Variants in FRYL observed in about 807,000 individuals in gnomAD.
FRYL encodes protein furry homolog-like.
In FRYL, 150 loss-of-function variants were observed where a neutral mutation model predicts 351.2. The observed-to-expected ratio is 0.43, with a 90% confidence interval of 0.37 to 0.49. The LOEUF is 0.49. Ranked by LOEUF, FRYL falls within the 20% of genes least tolerant of loss-of-function variation. FRYL has a pLI of 0.00. For synonymous variants in FRYL, 1,153 were observed against 1,257.1 expected (o/e 0.92, Z 1.75); for missense variants, 3,036 against 3,619.3 (o/e 0.84, Z 4.13).
intron 36 of FRYL, 27 bp from the exon 37 acceptor site, chr4:48,551,605 G>T: frequency 7.1e-7 from 1 of 1,414,870 alleles, no homozygotes; most frequent in Non-Finnish European, 1.0e-6. Context: ...AGCAGTACTC[G>T]TGAATCTACA....
At chr4:48,699,672 C>T (rs998239061) in intron 2 of FRYL, among the ~76,000 whole-genome samples, 9 of 152,090 alleles carry the variant, frequency 5.9e-5, no homozygotes, top group African/African-American at 2.2e-4. Context: ...GTAAACAAGC[C>T]CTACCTGTGG....
rs1746887304 is a variant in FRYL, at chr4:48,606,625, C to T, written c.573-19G>A. 3 of 1,555,140 alleles carry T rather than the reference C, an allele frequency of 1.9e-6. No homozygotes were observed. The highest frequency in any genetic ancestry group is 1.4e-5 in the African/African-American group (1 of 73,394). On this transcript the variant is annotated intron_variant, in intron 9 of 63. Transcript: ENST00000358350. Reference sequence around the variant, plus strand: ...CTGAAACCTTTAATATACGTGGAGACATCATTTGATTTGAATTAAAAACAC... The same window carrying T: ...CTGAAACCTTTAATATACGTGGAGATATCATTTGATTTGAATTAAAAACAC...
At position 48,620,661 on chromosome 4, in the gene FRYL, G is replaced by A. The variant is rs765153279; in HGVS notation, c.292C>T (p.Arg98Trp). 7 of 1,613,466 alleles carry A rather than the reference G, an allele frequency of 4.3e-6. No homozygotes were observed. Among genetic ancestry groups the A allele is most frequent in the East Asian group, 2.2e-5 (1 of 44,878 alleles). Reference protein sequence around the residue: ...TEDESYEYRPRSSTKSKGDEQ... With the variant: ...TEDESYEYRPWSSTKSKGDEQ... ...TACCCCTTAGACTTTGTGCTAGACC[G>A]AGGCCTATATTCATAAGATTCATCT... The change falls in exon 6 of 64, where the codon CGG (arginine) becomes TGG (tryptophan). Residue 98 changes from arginine to tryptophan, a missense_variant. Physicochemically the swap from Arg to Trp is moderately radical, Grantham distance 101. Transcript: ENST00000358350.
intron 18 of FRYL, among the ~76,000 whole-genome samples, 154 bp downstream of exon 18, chr4:48,589,591 T>C (rs1742841007): frequency 6.6e-6 from 1 of 152,138 alleles, no homozygotes; most frequent in Non-Finnish European, 1.5e-5. Flanking sequence ...GGAATAAAAC[T>C]GAGTGTGTGG....
At chr4:48,744,706 A>C (rs1772471918) in intron 1 of FRYL, among the ~76,000 whole-genome samples, 1 of 152,208 alleles carries the variant, frequency 6.6e-6, no homozygotes, top group Non-Finnish European at 1.5e-5. Flanking sequence ...GATAACTTTA[A>C]CTGTTTTAAA....
At chr4:48,712,344 T>C (rs1276045162) in intron 1 of FRYL, among the ~76,000 whole-genome samples, 1 of 151,864 alleles carries the variant, frequency 6.6e-6, no homozygotes, top group Non-Finnish European at 1.5e-5. Flanking sequence ...AATGTATAAC[T>C]AGAATAACCA....
intron 23 of FRYL, 64 bp downstream of exon 23, chr4:48,578,909 A>T (rs1429608981): frequency 7.1e-7 from 1 of 1,409,988 alleles, no homozygotes; most frequent in South Asian, 1.4e-5. Flanking sequence ...GAATTTTTCA[A>T]ATAAATACAT....
intron 1 of FRYL, among the ~76,000 whole-genome samples, chr4:48,715,743 T>A (rs979800913): frequency 1.7e-4 from 26 of 152,292 alleles, no homozygotes; most frequent in African/African-American, 6.3e-4. Flanking sequence ...AAGCTAGCAA[T>A]GACTTTCTTC....
At chr4:48,661,494 G>C (rs982493641) in intron 3 of FRYL, among the ~76,000 whole-genome samples, 5 of 152,192 alleles carry the variant, frequency 3.3e-5, no homozygotes, top group African/African-American at 1.2e-4. Flanking sequence ...AGGGCATTCT[G>C]TAGATTCTCC....
At chr4:48,702,712 G>C (rs1766889459) in intron 2 of FRYL, among the ~76,000 whole-genome samples, 3 of 146,580 alleles carry the variant, frequency 2.0e-5, no homozygotes, top group Non-Finnish European at 3.0e-5. Flanking sequence ...AGTGAGAGGA[G>C]ATCGGGCCAC....
chr4:48,535,341 C>G (rs1728634557), intron 48 of FRYL, among the ~76,000 whole-genome samples: 1 of 151,934 alleles, frequency 6.6e-6, no homozygotes, highest in African/African-American at 2.4e-5. Flanking sequence ...TTTTGAGTTT[C>G]ATGTCACTTA....
chr4:48,598,439 C>A (rs915812719), intron 13 of FRYL, among the ~76,000 whole-genome samples: 4 of 152,142 alleles, frequency 2.6e-5, no homozygotes, highest in Non-Finnish European at 5.9e-5. Context: ...TATGTACCCA[C>A]AAAAATTAAA....
intron 1 of FRYL, among the ~76,000 whole-genome samples, chr4:48,768,858 C>A (rs890639304): frequency 2.6e-5 from 4 of 151,920 alleles, no homozygotes; most frequent in African/African-American, 9.7e-5. Context: ...TGGCTCGGCA[C>A]AGTGGCTCAT....
intron 3 of FRYL, among the ~76,000 whole-genome samples, chr4:48,641,086 T>C (rs535216963): frequency 6.6e-6 from 1 of 152,294 alleles, no homozygotes; most frequent in South Asian, 2.1e-4. Flanking sequence ...TTTCAACTTC[T>C]GGTGAGGCCA....
In FRYL at chr4:48,582,590, G is replaced by A. The variant is rs775604901; in HGVS notation, c.1893C>T (p.Pro631=). ...FIVREVTDVH[P]TLLDNAVKML... is the part of the protein sequence containing the mutation. ...TCTTTACGGCATTATCAAGAAGTGT[G>A]GGATGGACATCAGTCACTTCACGAA... Residue 631 remains proline (P), a synonymous_variant, in exon 20 of 64, where the codon CCC becomes CCT. Coordinates refer to ENST00000358350, the MANE Select transcript of FRYL (RefSeq NM_015030.2). 1 of 1,613,792 alleles carries A rather than the reference G, an allele frequency of 6.2e-7. No homozygotes were observed. Among genetic ancestry groups the A allele is most frequent in the Non-Finnish European group, 8.5e-7 (1 of 1,179,758 alleles).
chr4:48,669,561 GTATA>G (rs1263271243), intron 3 of FRYL, among the ~76,000 whole-genome samples: 1 of 148,366 alleles, frequency 6.7e-6, no homozygotes, highest in Non-Finnish European at 1.5e-5. Flanking sequence ...TATTATAAGG[GTATA>G]TATATATAAA....
chr4:48,546,508 TC>T (rs1731362000), intron 41 of FRYL: 2 of 455,434 alleles, frequency 4.4e-6, no homozygotes, highest in Non-Finnish European at 7.8e-6. Flanking sequence ...TACTATGCAG[TC>T]CTCTGCCGCC....
intron 47 of FRYL, among the ~76,000 whole-genome samples, chr4:48,536,751 T>C (rs1322197449): frequency 6.6e-6 from 1 of 152,212 alleles, no homozygotes; most frequent in African/African-American, 2.4e-5. Flanking sequence ...GTTTTGTATG[T>C]ATTTTTACAA....
chr4:48,715,410 G>T (rs1214813437), intron 1 of FRYL, among the ~76,000 whole-genome samples: 1 of 152,162 alleles, frequency 6.6e-6, no homozygotes, highest in African/African-American at 2.4e-5. Flanking sequence ...AAGGTGACAA[G>T]CAAATTCAGC....
Sources: allele counts gnomAD v4.1 joint callset (sites outside exome capture counted in the v4.1 genomes callset), GRCh38; gene constraint gnomAD v4.1.1; transcripts MANE v1.5; gene names NCBI Gene and HGNC (gene_info 2026-07-23, HGNC 2026-07-21).